Variants in FHIT observed in about 807,000 individuals in gnomAD.
FHIT encodes fragile histidine triad diadenosine triphosphatase.
FHIT carries 19 observed loss-of-function variants against 17.9 expected under a neutral mutation model. The observed-to-expected ratio is 1.06, with a 90% confidence interval of 0.74 to 1.56. The LOEUF is 1.56. FHIT is among the 40% of genes most tolerant of loss of function. The pLI is 0.00. For synonymous variants in FHIT, 81 were observed against 69.7 expected (o/e 1.16, Z -0.81); for missense variants, 248 against 189.2 (o/e 1.31, Z -1.82).
chr3:60,657,101 C>T (rs537772673), intron 4 of FHIT, among the ~76,000 whole-genome samples: 12 of 152,238 alleles, frequency 7.9e-5, no homozygotes, highest in African/African-American at 2.9e-4. Context: ...TACATGCAAC[C>T]ATGCCACGGG....
intron 3 of FHIT, among the ~76,000 whole-genome samples, chr3:60,977,920 A>T (rs1035267736): frequency 1.3e-5 from 2 of 152,186 alleles, no homozygotes; most frequent in African/African-American, 4.8e-5. Flanking sequence ...GTTGCTTAGC[A>T]CAATTTTGGA....
At chr3:61,068,883 T>C (rs79470058) in intron 2 of FHIT, among the ~76,000 whole-genome samples, 3,689 of 152,042 alleles carry the variant, frequency 0.024, 139 homozygotes, top group African/African-American at 0.083. Flanking sequence ...CAAAAAGTAA[T>C]GAGAAAAAGG....
intron 8 of FHIT, among the ~76,000 whole-genome samples, chr3:59,795,417 T>G (rs1699739653): frequency 6.6e-6 from 1 of 152,054 alleles, no homozygotes; most frequent in Admixed American, 6.6e-5. Flanking sequence ...TTTTTTCTTC[T>G]TATTTTTATA....
intron 7 of FHIT, among the ~76,000 whole-genome samples, chr3:59,956,811 G>A (rs139366666): frequency 1.8e-3 from 268 of 152,222 alleles, no homozygotes; most frequent in African/African-American, 6.3e-3. Context: ...CTACTACCTG[G>A]CAGAAGAAAA....
intron 7 of FHIT, among the ~76,000 whole-genome samples, chr3:59,957,512 G>A (rs1450761075): frequency 6.6e-6 from 1 of 152,236 alleles, no homozygotes; most frequent in South Asian, 2.1e-4. Flanking sequence ...AGTAAAGACT[G>A]ATGAGTGAAT....
Position 61,200,941 on chromosome 3 carries a change from T to C in FHIT, c.-212-276A>G, listed in dbSNP as rs543451612. Reference sequence around the variant, plus strand: ...TTGGAGTGTGTACTCCTCAACAGAATGGGAACGGCTTATAGCGAGATGAAA... The same window carrying C: ...TTGGAGTGTGTACTCCTCAACAGAACGGGAACGGCTTATAGCGAGATGAAA... On this transcript the variant is annotated intron_variant, in intron 1 of 9. Transcript: ENST00000492590. Among the ~76,000 whole-genome samples the C allele has an allele frequency of 6.0e-4, 92 of 152,340 alleles. 2 individuals are homozygous for C. In the South Asian group the frequency reaches 0.018, roughly 30 times the overall value.
intron 8 of FHIT, among the ~76,000 whole-genome samples, chr3:59,789,368 A>C (rs1416006043): frequency 6.6e-6 from 1 of 152,222 alleles, no homozygotes; most frequent in Non-Finnish European, 1.5e-5. Flanking sequence ...CACGTTCAGA[A>C]AATTAAAATG....
intron 5 of FHIT, among the ~76,000 whole-genome samples, chr3:60,381,843 G>A (rs1700812791): frequency 6.6e-6 from 1 of 151,888 alleles, no homozygotes; most frequent in African/African-American, 2.4e-5. Flanking sequence ...GGTATGGCGT[G>A]TTCAGAACAC....
chr3:61,160,753 T>C (rs2037665088), intron 2 of FHIT, among the ~76,000 whole-genome samples: 1 of 152,238 alleles, frequency 6.6e-6, no homozygotes, highest in African/African-American at 2.4e-5. Flanking sequence ...ATGTAAAGAA[T>C]GGGCTATTTC....
At chr3:60,368,563 A>G (rs948803810) in intron 5 of FHIT, among the ~76,000 whole-genome samples, 4 of 152,112 alleles carry the variant, frequency 2.6e-5, no homozygotes, top group African/African-American at 9.7e-5. Context: ...TATGTTCTGC[A>G]TACATGTCTT....
chr3:60,804,548 T>C (rs1171633914), intron 4 of FHIT, among the ~76,000 whole-genome samples: 1 of 152,196 alleles, frequency 6.6e-6, no homozygotes, highest in African/African-American at 2.4e-5. Context: ...GCACCTACAT[T>C]ACTACGAGTA....
intron 5 of FHIT, among the ~76,000 whole-genome samples, chr3:60,291,279 C>T (rs1282155967): frequency 6.6e-6 from 1 of 152,052 alleles, no homozygotes; most frequent in Admixed American, 6.5e-5. Flanking sequence ...GGGTGAAAGA[C>T]TAGTTGGACC....
At chr3:60,171,686 C>T (rs1313564282) in intron 5 of FHIT, among the ~76,000 whole-genome samples, 3 of 152,080 alleles carry the variant, frequency 2.0e-5, no homozygotes, top group Non-Finnish European at 4.4e-5. Flanking sequence ...CACATTCATG[C>T]ATTCATTTAG....
chr3:60,731,391 T>C (rs1553711180), intron 4 of FHIT, among the ~76,000 whole-genome samples: 1 of 152,142 alleles, frequency 6.6e-6, no homozygotes, highest in East Asian at 1.9e-4. Flanking sequence ...GGAAGTAAAG[T>C]ACACTTGGAG....
intron 5 of FHIT, among the ~76,000 whole-genome samples, chr3:60,336,695 T>C (rs1258839540): frequency 6.6e-6 from 1 of 152,160 alleles, no homozygotes; most frequent in African/African-American, 2.4e-5. Flanking sequence ...ACTGGCATAG[T>C]AGACAGAACA....
intron 5 of FHIT, among the ~76,000 whole-genome samples, chr3:60,237,625 A>G (rs1704874633): frequency 6.6e-6 from 1 of 152,150 alleles, no homozygotes; most frequent in African/African-American, 2.4e-5. Flanking sequence ...ACAAGATTGT[A>G]CTTGATTCCA....
At chr3:59,979,795 A>C (rs1367299350) in intron 7 of FHIT, among the ~76,000 whole-genome samples, 2 of 152,122 alleles carry the variant, frequency 1.3e-5, no homozygotes, top group African/African-American at 4.8e-5. Flanking sequence ...TGTTTTCGAA[A>C]AGAAAGAAAC....
chr3:60,148,491 A>G (rs1700330092), intron 5 of FHIT, among the ~76,000 whole-genome samples: 1 of 152,188 alleles, frequency 6.6e-6, no homozygotes, highest in African/African-American at 2.4e-5. Flanking sequence ...AACTTTGGAT[A>G]TTTTACAAAT....
chr3:60,309,245 C>G (rs909217063), intron 5 of FHIT, among the ~76,000 whole-genome samples: 1 of 151,850 alleles, frequency 6.6e-6, no homozygotes, highest in African/African-American at 2.4e-5. Context: ...GGGGAAAATC[C>G]ACCTCACCAA....
Sources: gnomAD v4.1 joint callset for allele counts (sites outside exome capture counted in the v4.1 genomes callset) on GRCh38, gnomAD v4.1.1 for gene constraint, MANE v1.5 for transcripts, NCBI Gene and HGNC (gene_info 2026-07-23, HGNC 2026-07-21) for gene names.